CDH13: variants seen among roughly 807,000 people sequenced by gnomAD.
CDH13 encodes the protein cadherin 13.
CDH13 carries 24 observed loss-of-function variants against 63.8 expected under a neutral mutation model. That is an observed-to-expected ratio of 0.38 (90% CI 0.27 to 0.53). CDH13 has a LOEUF of 0.53. CDH13 is among the 20% of genes least tolerant of loss of function. The probability of loss-of-function intolerance (pLI) is 0.85; values close to 1 mark genes in which losing one functional copy is unlikely to be tolerated. For missense variants in CDH13, 1,049 were observed against 903.1 expected, an observed-to-expected ratio of 1.16 and a Z score of -2.07; for synonymous variants, 503 against 355.3, an observed-to-expected ratio of 1.42 and a Z score of -4.67.
rs545423698 is a variant in CDH13 at position 83,734,596 on chromosome 16, G to A, written c.1539-13512G>A. 3.8e-4 allele frequency among the ~76,000 whole-genome samples: 58 copies of A among 151,588 alleles called. 1 individual carries two copies. Among genetic ancestry groups the A allele is most frequent in the Non-Finnish European group, 3.5e-4 (24 of 67,956 alleles). ...GGGGACTGTTGTGGGGTGGGGGAAGGGGGGAGGGATAGCATTAGGAGATAT... is the reference window on the plus strand; with the variant it reads ...GGGGACTGTTGTGGGGTGGGGGAAGAGGGGAGGGATAGCATTAGGAGATAT... On this transcript the variant is annotated intron_variant, in intron 10 of 13. Coordinates refer to ENST00000567109, the MANE Select transcript of CDH13 (RefSeq NM_001257.5).
At chr16:82,657,333 C>T (rs1349042393) in intron 1 of CDH13, among the ~76,000 whole-genome samples, 4 of 152,180 alleles carry the variant, frequency 2.6e-5, no homozygotes, top group African/African-American at 9.7e-5. Flanking sequence ...TGTTGTAGCG[C>T]ACTCACCCTT....
chr16:83,720,312 C>G (rs756634380), intron 10 of CDH13, among the ~76,000 whole-genome samples: 33 of 109,674 alleles, frequency 3.0e-4, no homozygotes, highest in Non-Finnish European at 6.0e-4. Context: ...CACTCATGCA[C>G]ACACATGCAC....
At chr16:82,946,151 A>T (rs1904691548) in intron 2 of CDH13, among the ~76,000 whole-genome samples, 1 of 151,630 alleles carries the variant, frequency 6.6e-6, no homozygotes, top group Non-Finnish European at 1.5e-5. Flanking sequence ...AACATACTAG[A>T]TTTCCATAAC....
chr16:82,770,961 CG>C (rs2035239963), intron 1 of CDH13, among the ~76,000 whole-genome samples: 1 of 152,190 alleles, frequency 6.6e-6, no homozygotes, highest in Non-Finnish European at 1.5e-5. Context: ...GCAATCCCCC[CG>C]CTTCGGCCTC....
chr16:83,232,844 T>G (rs930729511), intron 5 of CDH13, among the ~76,000 whole-genome samples: 13 of 152,200 alleles, frequency 8.5e-5, no homozygotes, highest in African/African-American at 3.1e-4. Flanking sequence ...CCAGCCCTTT[T>G]ATATCTAATT....
At chr16:83,255,082 C>T (rs922765128) in intron 5 of CDH13, among the ~76,000 whole-genome samples, 1 of 151,714 alleles carries the variant, frequency 6.6e-6, no homozygotes, top group Admixed American at 6.6e-5. Context: ...TGACAGATGG[C>T]TCGTGAAGCA....
chr16:83,090,788 A>T (rs1215494661), intron 3 of CDH13, among the ~76,000 whole-genome samples: 1 of 152,114 alleles, frequency 6.6e-6, no homozygotes, highest in East Asian at 1.9e-4. Context: ...TATAGACCAG[A>T]CTTCAGCATT....
chr16:82,884,835 C>T (rs1418674264), intron 2 of CDH13, among the ~76,000 whole-genome samples: 6 of 152,168 alleles, frequency 3.9e-5, no homozygotes, highest in African/African-American at 1.2e-4. Context: ...ATTTTCTTCT[C>T]CAGTCATCAA....
intron 2 of CDH13, among the ~76,000 whole-genome samples, chr16:82,970,632 C>T (rs1401150603): frequency 1.7e-5 from 2 of 117,276 alleles, no homozygotes; most frequent in African/African-American, 5.4e-5. Context: ...ATCTCCTGAC[C>T]TCATGATCCA....
intron 1 of CDH13, among the ~76,000 whole-genome samples, chr16:82,632,567 G>C (rs530971454): frequency 6.6e-6 from 1 of 152,206 alleles, no homozygotes; most frequent in East Asian, 1.9e-4. Context: ...GGTACAAAAT[G>C]TCATCACGCA....
Position 83,716,562 on chromosome 16 carries a change from C to G in CDH13, c.1539-31546C>G, listed in dbSNP as rs1908934509. On this transcript the variant is annotated intron_variant, in intron 10 of 13. Transcript: ENST00000567109. ...GCAGTGGTGCAGTCTCAGCTCACTG[C>G]AACCTCCACCTCCTGGACTCAAGCA... is the stretch of plus-strand genomic sequence containing the variant. Among the ~76,000 whole-genome samples, 3 of 152,192 alleles carry G rather than the reference C, an allele frequency of 2.0e-5. No homozygotes were observed. In the South Asian group the frequency reaches 6.2e-4, roughly 31 times the overall value.
chr16:83,271,497 AT>A (rs2088813031), intron 5 of CDH13, among the ~76,000 whole-genome samples: 1 of 28,306 alleles, frequency 3.5e-5, no homozygotes, highest in Non-Finnish European at 8.2e-5. Flanking sequence ...ATGGGCTTTT[AT>A]TTAAAAAAAA....
chr16:83,272,053 T>G (rs547027798), intron 5 of CDH13, among the ~76,000 whole-genome samples: 1 of 152,338 alleles, frequency 6.6e-6, no homozygotes, highest in Non-Finnish European at 1.5e-5. Context: ...CATATTGATT[T>G]TTAGAAAATT....
At chr16:83,037,589 T>A (rs944725120) in intron 3 of CDH13, among the ~76,000 whole-genome samples, 1 of 152,052 alleles carries the variant, frequency 6.6e-6, no homozygotes, top group African/African-American at 2.4e-5. Flanking sequence ...AGGAAAGAAA[T>A]GTTAGGGAAA....
intron 1 of CDH13, among the ~76,000 whole-genome samples, chr16:82,845,797 C>T (rs866695641): frequency 4.6e-5 from 7 of 152,300 alleles, no homozygotes; most frequent in African/African-American, 1.7e-4. Context: ...GCAAATACCA[C>T]CAACCCTGAG....
intron 10 of CDH13, among the ~76,000 whole-genome samples, chr16:83,700,951 T>C (rs1240225860): frequency 6.6e-6 from 1 of 152,156 alleles, no homozygotes; most frequent in East Asian, 1.9e-4. Context: ...TTAAGAGGAA[T>C]CTATTTACAC....
chr16:82,663,352 A>C (rs1342141074), intron 1 of CDH13, among the ~76,000 whole-genome samples: 2 of 151,978 alleles, frequency 1.3e-5, no homozygotes, highest in Admixed American at 6.5e-5. Flanking sequence ...AGGCCCGGCT[A>C]ATTTTGTATT....
intron 7 of CDH13, among the ~76,000 whole-genome samples, chr16:83,510,435 G>A (rs891944477): frequency 1.3e-5 from 2 of 152,102 alleles, no homozygotes; most frequent in African/African-American, 4.8e-5. Context: ...TACGTCTAAT[G>A]GATATTAAAA....
chr16:83,003,389 T>C (rs531754360), intron 2 of CDH13, among the ~76,000 whole-genome samples: 8 of 142,214 alleles, frequency 5.6e-5, no homozygotes, highest in African/African-American at 2.2e-4. Context: ...CTTAAGTGGG[T>C]TTTTTTTTTT....
Sources: gnomAD v4.1 joint callset for allele counts (sites outside exome capture counted in the v4.1 genomes callset) on GRCh38, gnomAD v4.1.1 for gene constraint, MANE v1.5 for transcripts, NCBI Gene and HGNC (gene_info 2026-07-23, HGNC 2026-07-21) for gene names.